The following FHIT variants were observed in gnomAD, a reference collection of about 807,000 sequenced individuals.
The protein encoded by FHIT is fragile histidine triad diadenosine triphosphatase.
Under a neutral mutation model 17.9 loss-of-function variants are expected in FHIT, and 19 were observed. The ratio of observed to expected loss-of-function variants is 1.06; its 90% CI spans 0.74 to 1.56. The LOEUF is 1.56. Ranked by LOEUF, FHIT falls within the 40% of genes most tolerant of loss-of-function variation. The probability of loss-of-function intolerance (pLI) is 0.00; values close to 1 mark genes in which losing one functional copy is unlikely to be tolerated. For missense variants in FHIT, 248 were observed against 189.2 expected (o/e 1.31, Z -1.82); for synonymous variants, 81 against 69.7 (o/e 1.16, Z -0.81).
intron 2 of FHIT, among the ~76,000 whole-genome samples, chr3:61,076,614 T>A (rs971374216): frequency 6.6e-6 from 1 of 152,218 alleles, no homozygotes; most frequent in Non-Finnish European, 1.5e-5. Flanking sequence ...AATTACTTAT[T>A]GAGTCTTTAA....
At chr3:60,860,695 A>G (rs574569731) in intron 3 of FHIT, among the ~76,000 whole-genome samples, 1 of 104,746 alleles carries the variant, frequency 9.5e-6, no homozygotes, top group Admixed American at 9.4e-5. Context: ...TATCAGGTAT[A>G]TATGTACATA....
chr3:60,500,190 C>G (rs1295183837), intron 5 of FHIT, among the ~76,000 whole-genome samples: 1 of 152,152 alleles, frequency 6.6e-6, no homozygotes, highest in Non-Finnish European at 1.5e-5. Context: ...GGAACACAGC[C>G]CTGTTTGCCC....
chr3:60,380,411 G>A (rs1258422738), intron 5 of FHIT, among the ~76,000 whole-genome samples: 1 of 152,196 alleles, frequency 6.6e-6, no homozygotes, highest in African/African-American at 2.4e-5. Flanking sequence ...ACACCCTGCA[G>A]AACCATGAAC....
chr3:61,081,936 G>A (rs185280981), intron 2 of FHIT, among the ~76,000 whole-genome samples: 12 of 152,210 alleles, frequency 7.9e-5, no homozygotes, highest in Admixed American at 7.2e-4. Flanking sequence ...ACCAAGTCGT[G>A]AGCAGACACC....
In FHIT at chr3:60,988,904, T is replaced by A. The variant is rs1412207459; in HGVS notation, c.-111+53143A>T. ...TAACCATGATTCTAAACGATACTTG[T>A]TAAAAGGCTTTTTTTTTTTTTTCAA... is the stretch of plus-strand genomic sequence containing the variant. On this transcript the variant is annotated intron_variant, in intron 3 of 9. Transcript: ENST00000492590. Among the ~76,000 whole-genome samples, 3 of 61,856 alleles carry A rather than the reference T, an allele frequency of 4.8e-5. No individual in the cohort carries two copies. The East Asian group carries it at 1.8e-3, about 36-fold the overall frequency. The allele number at this position is 61,856 out of a possible 152,430, so 40.6% of individuals were successfully genotyped here. A position where few individuals can be genotyped will look rare whatever the true frequency, so the allele number is the denominator to read the frequency against.
chr3:60,483,630 C>T (rs1243063636), intron 5 of FHIT, among the ~76,000 whole-genome samples: 2 of 151,866 alleles, frequency 1.3e-5, no homozygotes, highest in South Asian at 2.1e-4. Flanking sequence ...ATTCAACATC[C>T]CTTCGTGTTA....
At chr3:59,882,456 T>C (rs1249424557) in intron 8 of FHIT, among the ~76,000 whole-genome samples, 16 of 122,380 alleles carry the variant, frequency 1.3e-4, no homozygotes, top group Non-Finnish European at 2.5e-4. Flanking sequence ...GAGCAGACTG[T>C]AATTGAGTTT....
At chr3:60,128,241 G>A (rs7616359) in intron 5 of FHIT, among the ~76,000 whole-genome samples, 68,249 of 151,946 alleles carry the variant, frequency 0.45, 15,635 homozygotes, top group African/African-American at 0.5. Context: ...CCCCACATGT[G>A]GTGGGAAAGA....
At chr3:60,181,912 T>C (rs1439413186) in intron 5 of FHIT, among the ~76,000 whole-genome samples, 1 of 152,178 alleles carries the variant, frequency 6.6e-6, no homozygotes, top group Non-Finnish European at 1.5e-5. Flanking sequence ...TGATACATCA[T>C]AGCAATCACC....
Position 60,936,578 on chromosome 3 carries a change from A to T in FHIT, c.-111+105469T>A, listed in dbSNP as rs115957415. On this transcript the variant is annotated intron_variant, in intron 3 of 9. Transcript: ENST00000492590. ...GGTCAGAGTTAAATTATTGATCTAC[A>T]TTCATTTTTCCCCTTTCCATGTGAC... is the stretch of plus-strand genomic sequence containing the variant. 3.5e-3 allele frequency among the ~76,000 whole-genome samples: 528 copies of T among 152,330 alleles called. 2 individuals carry two copies. Among genetic ancestry groups the T allele is most frequent in the Non-Finnish European group, 6.0e-3 (409 of 68,034 alleles).
chr3:60,199,632 C>G (rs1702806390), intron 5 of FHIT, among the ~76,000 whole-genome samples: 1 of 152,170 alleles, frequency 6.6e-6, no homozygotes, highest in Non-Finnish European at 1.5e-5. Context: ...TCTCCTAAGA[C>G]TGGCTTCAGG....
chr3:61,138,623 G>T (rs534733768), intron 2 of FHIT, among the ~76,000 whole-genome samples: 1 of 152,314 alleles, frequency 6.6e-6, no homozygotes. Flanking sequence ...CCATGCTATT[G>T]CTTCCCAGCA....
intron 8 of FHIT, among the ~76,000 whole-genome samples, chr3:59,802,273 T>C (rs1700026148): frequency 6.6e-6 from 1 of 152,188 alleles, no homozygotes; most frequent in African/African-American, 2.4e-5. Context: ...GACAGAAGCC[T>C]GTGTGTGCTC....
At chr3:59,750,210 T>G (rs1171780578) in intron 9 of FHIT, 1 of 225,686 alleles carries the variant, frequency 4.4e-6, no homozygotes, top group Non-Finnish European at 8.8e-6. Flanking sequence ...TTGAATCTTC[T>G]TAAAGTTCTT....
intron 5 of FHIT, among the ~76,000 whole-genome samples, chr3:60,168,654 AG>A (rs1305795668): frequency 1.3e-5 from 2 of 152,228 alleles, no homozygotes; most frequent in African/African-American, 4.8e-5. Context: ...TGAAAAAGGA[AG>A]AACCGTGTTT....
intron 4 of FHIT, among the ~76,000 whole-genome samples, chr3:60,562,584 G>C (rs777963992): frequency 4.6e-5 from 7 of 152,268 alleles, no homozygotes; most frequent in Admixed American, 1.3e-4. Context: ...CCTACTTGGA[G>C]GGTATAATAC....
chr3:59,993,758 G>C (rs1206564608), intron 7 of FHIT, among the ~76,000 whole-genome samples: 1 of 151,910 alleles, frequency 6.6e-6, no homozygotes, highest in Non-Finnish European at 1.5e-5. Flanking sequence ...CGGGGTCTCA[G>C]TTCCTGTTCA....
intron 5 of FHIT, among the ~76,000 whole-genome samples, chr3:60,292,928 T>C (rs924238860): frequency 6.6e-6 from 1 of 152,158 alleles, no homozygotes; most frequent in East Asian, 1.9e-4. Flanking sequence ...GAAGTATACA[T>C]GTATAAGCAT....
chr3:59,778,206 A>T (rs1702416128), intron 8 of FHIT, among the ~76,000 whole-genome samples: 1 of 152,242 alleles, frequency 6.6e-6, no homozygotes, highest in Non-Finnish European at 1.5e-5. Context: ...AGAAGCTCAC[A>T]AAATGCTAAT....
Sources: gnomAD v4.1 joint callset for allele counts (sites outside exome capture counted in the v4.1 genomes callset) on GRCh38, gnomAD v4.1.1 for gene constraint, MANE v1.5 for transcripts, NCBI Gene and HGNC (gene_info 2026-07-23, HGNC 2026-07-21) for gene names.